ALK: variants seen among roughly 807,000 people sequenced by gnomAD.
ALK encodes the protein ALK tyrosine kinase receptor.
In ALK, 74 loss-of-function variants were observed where a neutral mutation model predicts 163.1. That is an observed-to-expected ratio of 0.45 (90% CI 0.38 to 0.55). The LOEUF is 0.55. ALK is among the 20% of genes least tolerant of loss of function. ALK has a pLI of 0.00. For missense variants in ALK, 2,063 were observed against 2,105.3 expected, an observed-to-expected ratio of 0.98 and a Z score of 0.39; for synonymous variants, 960 against 843.2, an observed-to-expected ratio of 1.14 and a Z score of -2.40.
At chr2:29,703,330 T>C (rs1183536276) in intron 2 of ALK, among the ~76,000 whole-genome samples, 3 of 152,236 alleles carry the variant, frequency 2.0e-5, no homozygotes, top group African/African-American at 7.2e-5. Context: ...TACAATCTTT[T>C]CCCATATGTC....
chr2:29,467,800 G>C (rs1671248256), intron 4 of ALK, among the ~76,000 whole-genome samples: 2 of 152,128 alleles, frequency 1.3e-5, no homozygotes, highest in Non-Finnish European at 2.9e-5. Context: ...TTAGACATTA[G>C]AGAGATTTGC....
chr2:29,636,832 C>A (rs1421786708), intron 3 of ALK, among the ~76,000 whole-genome samples: 1 of 152,154 alleles, frequency 6.6e-6, no homozygotes, highest in Non-Finnish European at 1.5e-5. Context: ...AAAATAAGCA[C>A]ACGAAAGATG....
chr2:29,693,412 CACACACACACACACACACACACACAG>C lies in ALK; in HGVS notation c.952+1412_952+1437del, dbSNP rs1179891399. On this transcript the variant is annotated intron_variant, in intron 3 of 28. Transcript: ENST00000389048. ...CAGGTTAAGAGCACTCACCTACACA[CACACACACACACACACACACACACAG>C]ACACACACACACACACCCTACAATA... Among the ~76,000 whole-genome samples, 330 of 148,270 alleles carry C rather than the reference CACACACACACACACACACACACACAG, an allele frequency of 2.2e-3. 3 individuals carry two copies. The highest frequency in any genetic ancestry group is 6.9e-3 in the African/African-American group (273 of 39,484).
intron 5 of ALK, among the ~76,000 whole-genome samples, chr2:29,378,286 G>T (rs1411502030): frequency 1.3e-5 from 2 of 152,196 alleles, no homozygotes; most frequent in African/African-American, 4.8e-5. Context: ...GGGCTGGTCA[G>T]TAATTTAGTG....
chr2:29,299,328 A>G (rs1465440533), intron 8 of ALK, among the ~76,000 whole-genome samples: 1 of 152,216 alleles, frequency 6.6e-6, no homozygotes, highest in Non-Finnish European at 1.5e-5. Context: ...CCTGTCAAAA[A>G]TTATGGCATT....
intron 4 of ALK, among the ~76,000 whole-genome samples, chr2:29,443,335 T>G (rs1670591727): frequency 6.6e-6 from 1 of 152,148 alleles, no homozygotes; most frequent in Non-Finnish European, 1.5e-5. Context: ...ATACATACAG[T>G]AGGCAAAGAG....
At chr2:29,261,209 A>G (rs934230991) in intron 11 of ALK, among the ~76,000 whole-genome samples, 2 of 152,196 alleles carry the variant, frequency 1.3e-5, no homozygotes. Context: ...CCTGTCTTAT[A>G]TCTTGTACAG....
At chr2:29,563,139 A>G (rs1420623280) in intron 3 of ALK, among the ~76,000 whole-genome samples, 2 of 152,224 alleles carry the variant, frequency 1.3e-5, no homozygotes, top group African/African-American at 2.4e-5. Flanking sequence ...CAGCCTAACT[A>G]TCCACATCTC....
At chr2:29,609,310 G>A (rs1013262701) in intron 3 of ALK, among the ~76,000 whole-genome samples, 1 of 151,902 alleles carries the variant, frequency 6.6e-6, no homozygotes, top group Non-Finnish European at 1.5e-5. Flanking sequence ...CACTCTCTCT[G>A]GTGCCCATTC....
intron 1 of ALK, among the ~76,000 whole-genome samples, chr2:29,881,426 T>C (rs1666862645): frequency 1.3e-5 from 2 of 152,206 alleles, no homozygotes; most frequent in Admixed American, 6.5e-5. Context: ...GAGAGGAGCA[T>C]TTCTGTGTCT....
intron 11 of ALK, among the ~76,000 whole-genome samples, chr2:29,262,721 G>T (rs536056509): frequency 6.6e-6 from 1 of 152,318 alleles, no homozygotes; most frequent in South Asian, 2.1e-4. Context: ...AGGGACTTCC[G>T]AGTGAGCTTG....
intron 13 of ALK, among the ~76,000 whole-genome samples, chr2:29,238,171 G>T (rs1482203564): frequency 6.6e-6 from 1 of 152,158 alleles, no homozygotes; most frequent in African/African-American, 2.4e-5. Flanking sequence ...CAGCAAAGCT[G>T]CCACATCCGG....
At chr2:29,378,646 T>A (rs574982545) in intron 5 of ALK, among the ~76,000 whole-genome samples, 6 of 152,300 alleles carry the variant, frequency 3.9e-5, no homozygotes, top group Non-Finnish European at 8.8e-5. Flanking sequence ...AAGAGCTAGA[T>A]GAGGGTTTGC....
At chr2:29,483,021 G>T (rs1392790555) in intron 4 of ALK, among the ~76,000 whole-genome samples, 2 of 152,162 alleles carry the variant, frequency 1.3e-5, no homozygotes, top group Non-Finnish European at 2.9e-5. Context: ...AAGACTGAAT[G>T]AGCAACATGT....
At chr2:29,546,207 C>A (rs1227973276) in intron 3 of ALK, among the ~76,000 whole-genome samples, 2 of 152,048 alleles carry the variant, frequency 1.3e-5, no homozygotes, top group Non-Finnish European at 2.9e-5. Flanking sequence ...TTAGGTGAGA[C>A]ACAAAGGTGG....
At chr2:29,330,500 G>T (rs1667405821) in intron 5 of ALK, among the ~76,000 whole-genome samples, 1 of 152,160 alleles carries the variant, frequency 6.6e-6, no homozygotes, top group Non-Finnish European at 1.5e-5. Flanking sequence ...TTCACCCCAG[G>T]CCTAGCCAGT....
intron 1 of ALK, among the ~76,000 whole-genome samples, chr2:29,825,151 G>C (rs1665162343): frequency 6.6e-6 from 1 of 152,184 alleles, no homozygotes; most frequent in African/African-American, 2.4e-5. Flanking sequence ...CTTCCACCAT[G>C]ATTGTGAGGT....
chr2:29,632,412 A>G (rs1290053713), intron 3 of ALK, among the ~76,000 whole-genome samples: 3 of 152,204 alleles, frequency 2.0e-5, no homozygotes, highest in Non-Finnish European at 4.4e-5. Context: ...AATCTAGAAG[A>G]TAAATATGGT....
intron 4 of ALK, among the ~76,000 whole-genome samples, chr2:29,409,885 C>T (rs542071832): frequency 6.6e-6 from 1 of 152,252 alleles, no homozygotes; most frequent in African/African-American, 2.4e-5. Flanking sequence ...TCTCTGATTG[C>T]CTGCACTCTG....
Sources: allele counts gnomAD v4.1 joint callset (sites outside exome capture counted in the v4.1 genomes callset), GRCh38; gene constraint gnomAD v4.1.1; transcripts MANE v1.5; gene names NCBI Gene and HGNC (gene_info 2026-07-23, HGNC 2026-07-21).